The following DCC variants were observed in gnomAD, a reference collection of about 807,000 sequenced individuals.
DCC encodes the protein netrin receptor DCC.
A neutral mutation model predicts 172.5 loss-of-function variants in DCC; 58 were observed. The ratio of observed to expected loss-of-function variants is 0.34; its 90% CI spans 0.27 to 0.42. DCC has a LOEUF of 0.42. Among genes scored for constraint, DCC ranks in the 10% least tolerant of loss-of-function variants. The probability of loss-of-function intolerance (pLI) is 1.00; values close to 1 mark genes in which losing one functional copy is unlikely to be tolerated. For missense variants in DCC, 1,740 were observed against 1,791.0 expected (o/e 0.97, Z 0.51); for synonymous variants, 709 against 644.5 (o/e 1.10, Z -1.52).
chr18:52,970,400 AGAT>A (rs1291420197), intron 5 of DCC, among the ~76,000 whole-genome samples: 1 of 152,154 alleles, frequency 6.6e-6, no homozygotes, highest in Non-Finnish European at 1.5e-5. Context: ...GCCTATTTTC[AGAT>A]GATATGTATT....
At chr18:53,459,162 T>G (rs139353620) in intron 23 of DCC, 70 bp from the exon 24 acceptor site, 1 of 1,228,248 alleles carries the variant, frequency 8.1e-7, no homozygotes, top group South Asian at 1.2e-5. Context: ...TAACTTGAAT[T>G]GACTGATGAA....
At chr18:52,806,640 TTG>T (rs2038090290) in intron 2 of DCC, among the ~76,000 whole-genome samples, 1 of 152,158 alleles carries the variant, frequency 6.6e-6, no homozygotes, top group Non-Finnish European at 1.5e-5. Flanking sequence ...AGAGGAATAT[TTG>T]TCTTTTCTGG....
chr18:52,495,852 T>C (rs938831602), intron 1 of DCC, among the ~76,000 whole-genome samples: 1 of 151,870 alleles, frequency 6.6e-6, no homozygotes, highest in African/African-American at 2.4e-5. Flanking sequence ...GGCTTTGACA[T>C]CAGGGAATTC....
At chr18:53,365,181 T>G (rs1244850349) in intron 15 of DCC, among the ~76,000 whole-genome samples, 1 of 151,548 alleles carries the variant, frequency 6.6e-6, no homozygotes, top group Non-Finnish European at 1.5e-5. Flanking sequence ...AGATGTTTGG[T>G]TTTTTGTCCT....
At chr18:52,409,099 A>C (rs1323362653) in intron 1 of DCC, 1 of 152,136 alleles carries the variant, frequency 6.6e-6, no homozygotes, top group Admixed American at 6.6e-5. Flanking sequence ...TCAGGAAAGG[A>C]TGCCAAGGAA....
chr18:53,164,452 C>T (rs56350501), intron 8 of DCC, among the ~76,000 whole-genome samples: 2,502 of 152,214 alleles, frequency 0.016, 80 homozygotes, highest in African/African-American at 0.057. Context: ...CATTATACCT[C>T]TCACTTGTAA....
rs575775540 is a variant in DCC at position 52,962,585 on chromosome 18, C to T, written c.985+37215C>T. 1.9e-3 allele frequency among the ~76,000 whole-genome samples: 292 copies of T among 151,942 alleles called. 1 individual carries two copies. Among genetic ancestry groups the T allele is most frequent in the African/African-American group, 6.5e-3 (271 of 41,378 alleles). The stretch of plus-strand genomic sequence containing the variant: ...ATCTAGAACTAGAAATACCATTTGA[C>T]CCAGCCATCCCATTACTGGGTATAT... On this transcript the variant is annotated intron_variant, in intron 5 of 28. Coordinates refer to ENST00000442544, the MANE Select transcript of DCC (RefSeq NM_005215.4).
chr18:52,865,402 G>A (rs925690000), intron 2 of DCC, among the ~76,000 whole-genome samples: 2 of 152,074 alleles, frequency 1.3e-5, no homozygotes, highest in Non-Finnish European at 2.9e-5. Flanking sequence ...CTAGATCCTT[G>A]AGGAATCGCC....
In DCC at chr18:52,468,741, G is replaced by T. The variant is rs145275060; in HGVS notation, c.91+127863G>T. ...AGGACGAATAATGTCCTTCCAGATTGTCTGATTTTCACATGATTGCTGTCT... is the reference window on the plus strand; with the variant it reads ...AGGACGAATAATGTCCTTCCAGATTTTCTGATTTTCACATGATTGCTGTCT... On this transcript the variant is annotated intron_variant, in intron 1 of 28. Coordinates refer to ENST00000442544, the MANE Select transcript of DCC (RefSeq NM_005215.4). Among the ~76,000 whole-genome samples the T allele has an allele frequency of 2.6e-5, 4 of 152,270 alleles. No individual in the cohort carries two copies. In the East Asian group the frequency reaches 7.7e-4, roughly 29 times the overall value.
chr18:52,357,200 T>A (rs909124128), intron 1 of DCC, among the ~76,000 whole-genome samples: 1 of 152,308 alleles, frequency 6.6e-6, no homozygotes, highest in East Asian at 1.9e-4. Flanking sequence ...AGCACTCAGA[T>A]CTTGATTTCT....
chr18:53,047,257 TATATATATATATATATATATATATATA>T, intron 5 of DCC, among the ~76,000 whole-genome samples: 1 of 11,616 alleles, frequency 8.6e-5, no homozygotes, highest in Admixed American at 5.5e-4. Flanking sequence ...TATATATATA[TATATATATATATATATATATATATATA>T]TATAATTTTA....
At chr18:52,717,151 T>C (rs924779719) in intron 1 of DCC, among the ~76,000 whole-genome samples, 1 of 152,146 alleles carries the variant, frequency 6.6e-6, no homozygotes, top group Non-Finnish European at 1.5e-5. Flanking sequence ...GACCGAGAGT[T>C]GTCTAGATTT....
intron 12 of DCC, among the ~76,000 whole-genome samples, chr18:53,216,304 C>G (rs2055848082): frequency 6.6e-6 from 1 of 152,170 alleles, no homozygotes; most frequent in African/African-American, 2.4e-5. Flanking sequence ...TTGACCCTGT[C>G]ACCACCTGGC....
intron 12 of DCC, among the ~76,000 whole-genome samples, chr18:53,245,447 T>G (rs1170524360): frequency 6.6e-6 from 1 of 152,146 alleles, no homozygotes; most frequent in Non-Finnish European, 1.5e-5. Flanking sequence ...CTACAGAGTT[T>G]TTATGTGTAT....
chr18:52,613,047 T>C (rs1202850326), intron 1 of DCC, among the ~76,000 whole-genome samples: 1 of 152,208 alleles, frequency 6.6e-6, no homozygotes, highest in Non-Finnish European at 1.5e-5. Flanking sequence ...ACTTTGGATG[T>C]TATAGACAGG....
intron 8 of DCC, among the ~76,000 whole-genome samples, chr18:53,158,500 G>T (rs572588385): frequency 2.6e-5 from 4 of 152,134 alleles, no homozygotes; most frequent in Admixed American, 6.5e-5. Context: ...ATGATCTTTA[G>T]AATTCAAAAG....
chr18:53,313,011 A>AG (rs1568049096), intron 13 of DCC, among the ~76,000 whole-genome samples: 5 of 130,732 alleles, frequency 3.8e-5, no homozygotes, highest in East Asian at 2.3e-4. Flanking sequence ...GAAGGAAGGG[A>AG]GGAAGAAAGG....
chr18:52,791,252 C>A (rs1365098066), intron 2 of DCC, among the ~76,000 whole-genome samples: 4 of 152,226 alleles, frequency 2.6e-5, no homozygotes, highest in South Asian at 4.1e-4. Flanking sequence ...AAAGGCAATG[C>A]CCTTATGTAG....
At chr18:53,479,462 G>A in intron 25 of DCC, among the ~76,000 whole-genome samples, 1 of 152,118 alleles carries the variant, frequency 6.6e-6, no homozygotes, top group Non-Finnish European at 1.5e-5. Flanking sequence ...TCGTTTCTTG[G>A]TAGCTCTATA....
Sources: gnomAD v4.1 joint callset for allele counts (sites outside exome capture counted in the v4.1 genomes callset) on GRCh38, gnomAD v4.1.1 for gene constraint, MANE v1.5 for transcripts, NCBI Gene and HGNC (gene_info 2026-07-23, HGNC 2026-07-21) for gene names.